Variants in CACNB2 observed in about 807,000 individuals in gnomAD.
CACNB2 encodes calcium voltage-gated channel auxiliary subunit beta 2.
Under a neutral mutation model 73.3 loss-of-function variants are expected in CACNB2, and 42 were observed. The ratio of observed to expected loss-of-function variants is 0.57; its 90% CI spans 0.45 to 0.74. The LOEUF is 0.74. CACNB2 is among the 30% of genes least tolerant of loss of function. The pLI is 0.00. For missense variants in CACNB2, 940 were observed against 853.0 expected, an observed-to-expected ratio of 1.10 and a Z score of -1.27; for synonymous variants, 348 against 310.3, an observed-to-expected ratio of 1.12 and a Z score of -1.28.
intron 2 of CACNB2, among the ~76,000 whole-genome samples, chr10:18,263,747 T>C (rs2037662032): frequency 6.6e-6 from 1 of 152,224 alleles, no homozygotes; most frequent in Non-Finnish European, 1.5e-5. Context: ...CTGTTGCTTT[T>C]ATTAGGTTGC....
intron 2 of CACNB2, among the ~76,000 whole-genome samples, chr10:18,383,479 T>C (rs2043099734): frequency 6.6e-6 from 1 of 152,148 alleles, no homozygotes; most frequent in South Asian, 2.1e-4. Context: ...TGAGGCTTGT[T>C]ATGTTCATAG....
chr10:18,288,868 A>C (rs1157832835), intron 2 of CACNB2, among the ~76,000 whole-genome samples: 1 of 152,154 alleles, frequency 6.6e-6, no homozygotes, highest in African/African-American at 2.4e-5. Flanking sequence ...AACACGGTGA[A>C]ACCCTGTCTC....
chr10:18,355,025 A>G (rs2041853737), intron 2 of CACNB2, among the ~76,000 whole-genome samples: 1 of 152,242 alleles, frequency 6.6e-6, no homozygotes, highest in Non-Finnish European at 1.5e-5. Context: ...CATGTAAATT[A>G]CCTTGAGGCT....
At chr10:18,529,153 T>C (rs1006689957) in intron 10 of CACNB2, among the ~76,000 whole-genome samples, 1 of 152,216 alleles carries the variant, frequency 6.6e-6, no homozygotes, top group African/African-American at 2.4e-5. Flanking sequence ...AATGCTTATT[T>C]CATAAATTAA....
At chr10:18,301,917 GA>G (rs1045696273) in intron 2 of CACNB2, among the ~76,000 whole-genome samples, 1 of 152,022 alleles carries the variant, frequency 6.6e-6, no homozygotes, top group Non-Finnish European at 1.5e-5. Flanking sequence ...AGGGTGCTGG[GA>G]TTACAGGCAT....
Position 18,449,822 on chromosome 10 carries a change from T to G in CACNB2, c.333+47779T>G, listed in dbSNP as rs138838813. ...GCATGCCATAGGGTTGTTCCCAGAG[T>G]GGCACTGTATGATTGAGGATGCAGG... On this transcript the variant is annotated intron_variant, in intron 3 of 13. Coordinates refer to ENST00000324631, the MANE Select transcript of CACNB2 (RefSeq NM_201596.3). Among the ~76,000 whole-genome samples, 653 of 152,036 alleles carry G rather than the reference T, an allele frequency of 4.3e-3. 3 individuals are homozygous for G. Among genetic ancestry groups the G allele is most frequent in the African/African-American group, 0.015 (607 of 41,456 alleles).
chr10:18,338,991 C>T (rs369116693), intron 2 of CACNB2, among the ~76,000 whole-genome samples: 107 of 151,956 alleles, frequency 7.0e-4, no homozygotes, highest in African/African-American at 2.3e-3. Context: ...CCTCCCACCT[C>T]GGCTTCCCAA....
chr10:18,400,455 TA>T, intron 2 of CACNB2: 2 of 409,086 alleles, frequency 4.9e-6, no homozygotes, highest in Non-Finnish European at 6.6e-6. Flanking sequence ...ACTTCGGATG[TA>T]AAATGGCAAT....
intron 2 of CACNB2, among the ~76,000 whole-genome samples, chr10:18,309,212 G>A (rs533241117): frequency 5.9e-5 from 9 of 152,294 alleles, no homozygotes; most frequent in African/African-American, 1.7e-4. Context: ...AGCAGGAAAA[G>A]TGACTCTTGT....
intron 2 of CACNB2, among the ~76,000 whole-genome samples, chr10:18,155,737 T>C (rs981474708): frequency 1.3e-5 from 2 of 152,134 alleles, no homozygotes; most frequent in Admixed American, 6.6e-5. Context: ...ATCTTTTTCA[T>C]TACAGTCAGT....
chr10:18,433,873 T>TTTGTTGTTGTTG (rs143561512), intron 3 of CACNB2, among the ~76,000 whole-genome samples: 1 of 149,922 alleles, frequency 6.7e-6, no homozygotes, highest in African/African-American at 2.5e-5. Context: ...TAAATCAGAT[T>TTTGTTGTTGTTG]TTGTTGTTGT....
At chr10:18,276,673 G>T (rs2038300963) in intron 2 of CACNB2, among the ~76,000 whole-genome samples, 1 of 152,112 alleles carries the variant, frequency 6.6e-6, no homozygotes, top group South Asian at 2.1e-4. Context: ...CTGACCCCCA[G>T]GTTCAAGCGA....
At chr10:18,377,037 C>T (rs2042826779) in intron 2 of CACNB2, among the ~76,000 whole-genome samples, 1 of 152,102 alleles carries the variant, frequency 6.6e-6, no homozygotes, top group Admixed American at 6.5e-5. Flanking sequence ...AGGATAAATA[C>T]TTGAGGTAAG....
At chr10:18,410,094 A>T (rs59167174) in intron 3 of CACNB2, among the ~76,000 whole-genome samples, 9,840 of 151,196 alleles carry the variant, frequency 0.065, 840 homozygotes, top group African/African-American at 0.18. Flanking sequence ...CTCCAGTTCC[A>T]CCTCCTTGCC....
intron 3 of CACNB2, among the ~76,000 whole-genome samples, chr10:18,465,136 C>A (rs1293782946): frequency 6.6e-6 from 1 of 152,162 alleles, no homozygotes; most frequent in African/African-American, 2.4e-5. Context: ...TCAAGACCAG[C>A]CTGGCCAACA....
Position 18,378,666 on chromosome 10 carries a change from G to A in CACNB2, c.214-23258G>A, listed in dbSNP as rs77807126. Among the ~76,000 whole-genome samples the A allele has an allele frequency of 9.6e-3, 1,457 of 152,174 alleles. 24 individuals are homozygous for A. The highest frequency in any genetic ancestry group is 0.033 in the African/African-American group (1,367 of 41,512). ...CTCGGGAGGCCGAGGTGGGAGGATC[G>A]GTTCAGCCCAGAAGGCCAAGGCTGG... On this transcript the variant is annotated intron_variant, in intron 2 of 13. Transcript: ENST00000324631.
intron 3 of CACNB2, among the ~76,000 whole-genome samples, chr10:18,403,900 T>C (rs1307230469): frequency 2.6e-5 from 4 of 150,982 alleles, no homozygotes; most frequent in Non-Finnish European, 5.9e-5. Flanking sequence ...AAAGAATGAA[T>C]AAAACCTATT....
chr10:18,182,061 C>T (rs2033913275), intron 2 of CACNB2: 1 of 152,292 alleles, frequency 6.6e-6, no homozygotes, highest in Admixed American at 6.5e-5. Flanking sequence ...CAGTGAAAGA[C>T]TATGAATCTG....
intron 2 of CACNB2, among the ~76,000 whole-genome samples, chr10:18,212,316 C>A (rs1018931652): frequency 2.6e-5 from 4 of 152,100 alleles, no homozygotes; most frequent in African/African-American, 9.7e-5. Flanking sequence ...CAGTCTGATC[C>A]TCTTCTGCTT....
Sources: allele counts gnomAD v4.1 joint callset (sites outside exome capture counted in the v4.1 genomes callset), GRCh38; gene constraint gnomAD v4.1.1; transcripts MANE v1.5; gene names NCBI Gene and HGNC (gene_info 2026-07-23, HGNC 2026-07-21).